FRAS1: variants seen among roughly 807,000 people sequenced by gnomAD.
FRAS1 encodes extracellular matrix organizing protein FRAS1.
Under a neutral mutation model 435.2 loss-of-function variants are expected in FRAS1, and 290 were observed. The observed-to-expected ratio is 0.67, with a 90% confidence interval of 0.61 to 0.73. The LOEUF is 0.73. FRAS1 is among the 30% of genes least tolerant of loss of function. The probability of loss-of-function intolerance (pLI) is 0.00; values close to 1 mark genes in which losing one functional copy is unlikely to be tolerated. For missense variants in FRAS1, 4,860 were observed against 5,001.5 expected, an observed-to-expected ratio of 0.97 and a Z score of 0.85; for synonymous variants, 1,800 against 1,851.0, an observed-to-expected ratio of 0.97 and a Z score of 0.71.
At chr4:78,356,684 C>T (rs1053180015) in intron 20 of FRAS1, among the ~76,000 whole-genome samples, 1 of 152,072 alleles carries the variant, frequency 6.6e-6, no homozygotes, top group Non-Finnish European at 1.5e-5. Flanking sequence ...CAGTTAGGAG[C>T]CTGCTTTCCT....
At chr4:78,218,134 A>ACACACACACACACAC (rs1471926143) in intron 2 of FRAS1, among the ~76,000 whole-genome samples, 4 of 126,746 alleles carry the variant, frequency 3.2e-5, no homozygotes, top group African/African-American at 9.2e-5. Context: ...ACACACACAC[A>ACACACACACACACAC]AGTTGTATTT....
chr4:78,410,965 G>A (rs115949508), intron 31 of FRAS1, among the ~76,000 whole-genome samples: 1 of 152,126 alleles, frequency 6.6e-6, no homozygotes, highest in African/African-American at 2.4e-5. Context: ...AGGTGCTAAC[G>A]TAAGTGGTTA....
chr4:78,374,096 A>G lies in FRAS1; in HGVS notation c.3011-15A>G. On this transcript the variant is annotated splice_polypyrimidine_tract_variant and intron_variant, in intron 24 of 73. Coordinates refer to ENST00000512123, the MANE Select transcript of FRAS1 (RefSeq NM_025074.7). ...AGCCACACAGATTCCTGATGACTTG[A>G]CTTTTGTCTTTCAGACTGTGACAGC... The G allele has an allele frequency of 6.4e-7, 1 of 1,558,234 alleles. No individual in the cohort carries two copies. The highest frequency in any genetic ancestry group is 1.7e-5 in the Admixed American group (1 of 57,246).
chr4:78,364,118 A>G lies in FRAS1; in HGVS notation c.2722+64A>G, dbSNP rs1382355723. 4 of 1,507,120 alleles carry G rather than the reference A, an allele frequency of 2.7e-6. No individual in the cohort carries two copies. The African/African-American group carries it at 4.2e-5, about 16-fold the overall frequency. The allele number at this position is 1,507,120 out of a possible 1,614,324, so 93.4% of individuals were successfully genotyped here. ...TTCCTGCCTTTCTGGAGCCATTGAA[A>G]GAAATGCGAGGTTCTTACTTCCATC... On this transcript the variant is annotated intron_variant, in intron 22 of 73. Transcript: ENST00000512123.
rs1335652694 is a variant in FRAS1, at chr4:78,271,811, A to T, written c.981+4379A>T. ...TGTCTTTATAGCAGCATGATTTATA[A>T]TCCTTTGGGTATACACCCAGTAATG... On this transcript the variant is annotated intron_variant, in intron 9 of 73. Transcript: ENST00000512123. 2.0e-5 allele frequency among the ~76,000 whole-genome samples: 3 copies of T among 152,174 alleles called. No homozygotes were observed. In the East Asian group the frequency reaches 5.8e-4, roughly 29 times the overall value.
chr4:78,371,083 G>GTTTTTTTTT (rs1242709942), intron 23 of FRAS1, among the ~76,000 whole-genome samples: 3 of 127,402 alleles, frequency 2.4e-5, no homozygotes, highest in South Asian at 2.5e-4. Context: ...TTTTTTTTCT[G>GTTTTTTTTT]TTTTTTTGTT....
intron 2 of FRAS1, among the ~76,000 whole-genome samples, chr4:78,076,538 G>T (rs909897894): frequency 1.3e-5 from 2 of 152,172 alleles, no homozygotes; most frequent in South Asian, 4.1e-4. Context: ...GTGTTGGAAA[G>T]TATAGTTTTT....
At chr4:78,114,154 C>T (rs563874937) in intron 2 of FRAS1, among the ~76,000 whole-genome samples, 172 of 152,120 alleles carry the variant, frequency 1.1e-3, no homozygotes, top group Non-Finnish European at 1.9e-3. Flanking sequence ...TGCGGCATTA[C>T]TTCTGAGGGC....
chr4:78,311,711 C>A (rs764794698), intron 15 of FRAS1, among the ~76,000 whole-genome samples: 3 of 152,240 alleles, frequency 2.0e-5, no homozygotes, highest in Non-Finnish European at 2.9e-5. Flanking sequence ...ATCTCCACAT[C>A]CTTGCCACCA....
intron 70 of FRAS1, among the ~76,000 whole-genome samples, chr4:78,526,877 C>T (rs899393577): frequency 6.6e-6 from 1 of 152,154 alleles, no homozygotes; most frequent in Non-Finnish European, 1.5e-5. Context: ...GGCTCTCATA[C>T]TCCAAACAAG....
chr4:78,496,999 A>G, intron 60 of FRAS1, 38 bp downstream of exon 60: 1 of 1,546,286 alleles, frequency 6.5e-7, no homozygotes, highest in South Asian at 1.1e-5. Context: ...TCTTAGGTTG[A>G]GGGGACATAA....
chr4:78,363,953 C>T lies in FRAS1; in HGVS notation c.2621C>T (p.Ser874Phe), dbSNP rs567051798. The change falls in exon 22 of 74, where the codon TCC becomes TTC. Residue 874 changes from serine to phenylalanine, a missense_variant. By Grantham distance (155) the Ser-to-Phe change is radical. Coordinates refer to ENST00000512123, the MANE Select transcript of FRAS1 (RefSeq NM_025074.7). Reference sequence around the variant, plus strand: ...ACCTGCCAGGGCAGAGGACCTTTCTCCTGCTCCTCATGTGACACCAACCTC... The same window carrying T: ...ACCTGCCAGGGCAGAGGACCTTTCTTCTGCTCCTCATGTGACACCAACCTC... ...CRTCQGRGPFSCSSCDTNLVL... is the reference protein window; with the variant it reads ...CRTCQGRGPFFCSSCDTNLVL... 7 of 1,613,510 alleles carry T rather than the reference C, an allele frequency of 4.3e-6. No individual in the cohort carries two copies. The highest frequency in any genetic ancestry group is 1.1e-5 in the South Asian group (1 of 90,852).
At chr4:78,538,619 G>A (rs997343125) in intron 72 of FRAS1, among the ~76,000 whole-genome samples, 2 of 152,074 alleles carry the variant, frequency 1.3e-5, no homozygotes, top group Non-Finnish European at 2.9e-5. Flanking sequence ...TTCACATAGG[G>A]GCAGCAAGAA....
chr4:78,296,686 T>G (rs1265966762), intron 14 of FRAS1, among the ~76,000 whole-genome samples: 3 of 152,230 alleles, frequency 2.0e-5, no homozygotes, highest in African/African-American at 7.2e-5. Context: ...GCCAAATCCC[T>G]GCAGGCTGTA....
At chr4:78,461,206 T>C (rs1719359895) in intron 47 of FRAS1, among the ~76,000 whole-genome samples, 1 of 152,254 alleles carries the variant, frequency 6.6e-6, no homozygotes, top group Admixed American at 6.5e-5. Flanking sequence ...GGTAAGTCTA[T>C]GAATGATTTT....
intron 2 of FRAS1, among the ~76,000 whole-genome samples, chr4:78,152,607 C>CTTTTTTTTTTTTTTT (rs71214398): frequency 2.6e-4 from 19 of 72,424 alleles, no homozygotes; most frequent in South Asian, 7.7e-4. Context: ...ATGTAGGCTG[C>CTTTTTTTTTTTTTTT]TTTTTTTTTT....
At chr4:78,300,372 C>T (rs1728325562) in intron 14 of FRAS1, among the ~76,000 whole-genome samples, 1 of 152,158 alleles carries the variant, frequency 6.6e-6, no homozygotes, top group Non-Finnish European at 1.5e-5. Context: ...ACTTGAGAGA[C>T]ATTTGTAAAG....
Position 78,224,215 on chromosome 4 carries a change from T to C in FRAS1, c.109-13295T>C, listed in dbSNP as rs371578613. On this transcript the variant is annotated intron_variant, in intron 2 of 73. Coordinates refer to ENST00000512123, the MANE Select transcript of FRAS1 (RefSeq NM_025074.7). The stretch of plus-strand genomic sequence containing the variant: ...GTGGCTCAAAACTGGTGAAAGCTGT[T>C]CTTCCTGAAACCAGAATCACTTTTC... Among the ~76,000 whole-genome samples the C allele has an allele frequency of 7.9e-5, 12 of 152,334 alleles. 1 individual carries two copies. The highest frequency in any genetic ancestry group is 4.1e-4 in the South Asian group (2 of 4,826).
At chr4:78,446,576 T>C (rs1030482125) in intron 42 of FRAS1, 151 bp from the exon 43 acceptor site, 14 of 1,393,230 alleles carry the variant, frequency 1.0e-5, no homozygotes, top group African/African-American at 3.0e-5. Context: ...CTTTTCAAAC[T>C]AACTATTTTG....
Sources: gnomAD v4.1 joint callset for allele counts (sites outside exome capture counted in the v4.1 genomes callset) on GRCh38, gnomAD v4.1.1 for gene constraint, MANE v1.5 for transcripts, NCBI Gene and HGNC (gene_info 2026-07-23, HGNC 2026-07-21) for gene names.